Variants in RAPGEF4 observed in about 807,000 individuals in gnomAD.
RAPGEF4 encodes the protein Rap guanine nucleotide exchange factor 4.
A neutral mutation model predicts 147.9 loss-of-function variants in RAPGEF4; 66 were observed. The observed-to-expected ratio is 0.45, with a 90% CI of 0.37 to 0.55. RAPGEF4 has a LOEUF of 0.55. RAPGEF4 is among the 20% of genes least tolerant of loss of function. The probability of loss-of-function intolerance (pLI) is 0.00; values close to 1 mark genes in which losing one functional copy is unlikely to be tolerated. For missense variants in RAPGEF4, 1,071 were observed against 1,257.3 expected, an observed-to-expected ratio of 0.85 and a Z score of 2.24; for synonymous variants, 419 against 442.7, an observed-to-expected ratio of 0.95 and a Z score of 0.67.
At chr2:172,983,700 A>T in intron 11 of RAPGEF4, 120 bp downstream of exon 11, 1 of 1,456,210 alleles carries the variant, frequency 6.9e-7, no homozygotes, top group South Asian at 1.5e-5. Context: ...CTCATAAATC[A>T]CCTCTACTCT....
intron 4 of RAPGEF4, among the ~76,000 whole-genome samples, chr2:172,877,304 G>A (rs544982015): frequency 1.3e-5 from 2 of 152,204 alleles, no homozygotes; most frequent in Admixed American, 1.3e-4. Context: ...ACTCATAAGT[G>A]GGAGTTGAAA....
At chr2:172,754,765 A>G (rs758540587) in intron 1 of RAPGEF4, among the ~76,000 whole-genome samples, 1 of 152,326 alleles carries the variant, frequency 6.6e-6, no homozygotes, top group Non-Finnish European at 1.5e-5. Flanking sequence ...TCCTCAGGCC[A>G]GGCACGGTGG....
chr2:172,848,810 A>G (rs926713464), intron 4 of RAPGEF4, among the ~76,000 whole-genome samples: 2 of 152,204 alleles, frequency 1.3e-5, no homozygotes, highest in African/African-American at 2.4e-5. Context: ...CTTATAAGGA[A>G]TGCAGGTACC....
intron 4 of RAPGEF4, among the ~76,000 whole-genome samples, chr2:172,876,945 G>T (rs571753756): frequency 1.1e-4 from 17 of 152,146 alleles, no homozygotes; most frequent in Non-Finnish European, 2.2e-4. Context: ...TCTATTCAGG[G>T]ATTCAACTTC....
intron 11 of RAPGEF4, among the ~76,000 whole-genome samples, chr2:172,984,173 T>C (rs567359560): frequency 5.9e-5 from 9 of 152,300 alleles, no homozygotes; most frequent in African/African-American, 2.2e-4. Context: ...TGAATAGGGA[T>C]AGGAACACCT....
intron 6 of RAPGEF4, among the ~76,000 whole-genome samples, chr2:172,956,691 C>T (rs927220935): frequency 2.0e-5 from 3 of 152,028 alleles, no homozygotes; most frequent in South Asian, 2.1e-4. Context: ...AGGTTGGTCT[C>T]GATCTCCTGA....
chr2:172,795,592 G>A (rs980364770), intron 2 of RAPGEF4, among the ~76,000 whole-genome samples: 1 of 152,164 alleles, frequency 6.6e-6, no homozygotes, highest in Admixed American at 6.5e-5. Context: ...TAAGGGGCAG[G>A]GAGATAGAGT....
At chr2:172,951,480 C>T (rs918968267) in intron 6 of RAPGEF4, among the ~76,000 whole-genome samples, 1 of 152,128 alleles carries the variant, frequency 6.6e-6, no homozygotes, top group Admixed American at 6.5e-5. Context: ...GTACAGTAAA[C>T]AGGTAAGAAA....
chr2:172,853,752 A>G (rs543263853), intron 4 of RAPGEF4, among the ~76,000 whole-genome samples: 1 of 152,086 alleles, frequency 6.6e-6, no homozygotes, highest in South Asian at 2.1e-4. Flanking sequence ...ATTCAGTTCA[A>G]AATACTGTGT....
intron 10 of RAPGEF4, among the ~76,000 whole-genome samples, chr2:172,970,026 A>C (rs1046624642): frequency 3.9e-5 from 6 of 152,102 alleles, no homozygotes; most frequent in African/African-American, 1.4e-4. Flanking sequence ...GTTTTTCGAA[A>C]CTTTGCAAAC....
At chr2:172,930,335 G>A (rs1685788282) in intron 6 of RAPGEF4, among the ~76,000 whole-genome samples, 1 of 152,096 alleles carries the variant, frequency 6.6e-6, no homozygotes, top group Admixed American at 6.5e-5. Context: ...CAAAGAGCTT[G>A]ATCTATTTTG....
chr2:173,016,265 T>C, intron 18 of RAPGEF4, 84 bp from the exon 19 acceptor site: 1 of 917,906 alleles, frequency 1.1e-6, no homozygotes. Flanking sequence ...GCAGATGACA[T>C]AGGGACACAT....
chr2:172,772,642 C>CT lies in RAPGEF4; in HGVS notation c.66-22382dup, dbSNP rs201243841. On this transcript the variant is annotated intron_variant, in intron 1 of 30. Transcript: ENST00000397081. Reference sequence around the variant, plus strand: ...TACAGGCATGAGCCACCGCACCCAGCTAAAACATTATTTTAAAATGAAATG... The same window carrying CT: ...TACAGGCATGAGCCACCGCACCCAGCTTAAAACATTATTTTAAAATGAAATG... Among the ~76,000 whole-genome samples the CT allele has an allele frequency of 1.6e-3, 244 of 152,320 alleles. 3 individuals carry two copies. Among genetic ancestry groups the CT allele is most frequent in the African/African-American group, 5.4e-3 (226 of 41,566 alleles).
At chr2:172,867,424 A>T (rs1184516820) in intron 4 of RAPGEF4, among the ~76,000 whole-genome samples, 1 of 152,188 alleles carries the variant, frequency 6.6e-6, no homozygotes, top group East Asian at 1.9e-4. Context: ...AATGAGATAC[A>T]AACTTTTAAA....
chr2:172,965,802 C>T, intron 9 of RAPGEF4, 119 bp downstream of exon 9: 2 of 1,255,088 alleles, frequency 1.6e-6, no homozygotes, highest in Non-Finnish European at 2.3e-6. Context: ...TAGGGACCTG[C>T]AGAGCTAGCA....
chr2:173,042,241 G>T lies in RAPGEF4; in HGVS notation c.2853+5549G>T, dbSNP rs534526774. Reference sequence around the variant, plus strand: ...CGTAAGTATGCAAGAAGTACTTGTTGAATAAAATGTAATGTTTCAGTGTTG... The same window carrying T: ...CGTAAGTATGCAAGAAGTACTTGTTTAATAAAATGTAATGTTTCAGTGTTG... On this transcript the variant is annotated intron_variant, in intron 29 of 30. Coordinates refer to ENST00000397081, the MANE Select transcript of RAPGEF4 (RefSeq NM_007023.4). This position sits in a 1 kb window ranked among gnomAD's most constrained non-coding sequence, Gnocchi z 4.2. 2.0e-5 allele frequency among the ~76,000 whole-genome samples: 3 copies of T among 152,352 alleles called. No individual in the cohort carries two copies. Among genetic ancestry groups the T allele is most frequent in the African/African-American group, 7.2e-5 (3 of 41,578 alleles).
At chr2:172,872,021 TA>T (rs1695303887) in intron 4 of RAPGEF4, among the ~76,000 whole-genome samples, 1 of 152,178 alleles carries the variant, frequency 6.6e-6, no homozygotes, top group Non-Finnish European at 1.5e-5. Flanking sequence ...GATGTGGGAT[TA>T]AGAGATAATA....
chr2:172,840,959 T>C (rs1320917353), intron 4 of RAPGEF4, among the ~76,000 whole-genome samples: 1 of 152,240 alleles, frequency 6.6e-6, no homozygotes, highest in African/African-American at 2.4e-5. Context: ...CATAGCACTA[T>C]GTCTGAATGG....
At chr2:172,810,946 T>A (rs1687963665) in intron 3 of RAPGEF4, among the ~76,000 whole-genome samples, 2 of 152,166 alleles carry the variant, frequency 1.3e-5, no homozygotes, top group South Asian at 4.1e-4. Context: ...TTTTTAGAGA[T>A]GATCTTGGGA....
Sources: allele counts gnomAD v4.1 joint callset (sites outside exome capture counted in the v4.1 genomes callset), GRCh38; gene constraint gnomAD v4.1.1; non-coding constraint Gnocchi (gnomAD v3.1); transcripts MANE v1.5; gene names NCBI Gene and HGNC (gene_info 2026-07-23, HGNC 2026-07-21).